The following TNFRSF9 variants were observed in gnomAD, a reference collection of about 807,000 sequenced individuals.
TNFRSF9 encodes the protein tumor necrosis factor receptor superfamily member 9.
Under a neutral mutation model 28.8 loss-of-function variants are expected in TNFRSF9, and 16 were observed. The observed-to-expected ratio is 0.55, with a 90% CI of 0.38 to 0.84. TNFRSF9 has a LOEUF of 0.84. Ranked by LOEUF, TNFRSF9 falls within the 40% of genes least tolerant of loss-of-function variation. TNFRSF9 has a pLI of 0.00. For missense variants in TNFRSF9, 303 were observed against 315.0 expected, an observed-to-expected ratio of 0.96 and a Z score of 0.29; for synonymous variants, 131 against 117.0, an observed-to-expected ratio of 1.12 and a Z score of -0.77.
intron 5 of TNFRSF9, 119 bp from the exon 6 acceptor site, chr1:7,935,262 G>A: frequency 1.7e-6 from 2 of 1,157,690 alleles, no homozygotes; most frequent in Non-Finnish European, 2.4e-6. Flanking sequence ...TATGGGTCTG[G>A]GTTCGAAAGC....
At chr1:7,940,159 C>A in intron 1 of TNFRSF9, 81 bp from the exon 2 acceptor site, 1 of 477,976 alleles carries the variant, frequency 2.1e-6, no homozygotes, top group Non-Finnish European at 3.8e-6. Context: ...TTATACAATT[C>A]TATAAGAGGA....
At chr1:7,927,158 T>C (rs1020025920) in intron 7 of TNFRSF9, among the ~76,000 whole-genome samples, 1 of 152,112 alleles carries the variant, frequency 6.6e-6, no homozygotes, top group Admixed American at 6.6e-5. Flanking sequence ...AACAGCAAAG[T>C]GTTCATCACG....
intron 6 of TNFRSF9, 150 bp from the exon 7 acceptor site, chr1:7,933,446 T>C: frequency 1.0e-6 from 1 of 966,720 alleles, no homozygotes; most frequent in Non-Finnish European, 1.5e-6. Flanking sequence ...CTTAGAAAAC[T>C]TTTAAAGAGG....
chr1:7,934,717 AAAAAGAAAAG>A (rs747047089), intron 6 of TNFRSF9, among the ~76,000 whole-genome samples: 1 of 152,112 alleles, frequency 6.6e-6, no homozygotes, highest in Non-Finnish European at 1.5e-5. Context: ...AAAAACAAAA[AAAAAGAAAAG>A]AAAAGAAAAG....
At chr1:7,923,380 C>T (rs1159482867) in intron 7 of TNFRSF9, among the ~76,000 whole-genome samples, 1 of 152,128 alleles carries the variant, frequency 6.6e-6, no homozygotes, top group Non-Finnish European at 1.5e-5. Flanking sequence ...CTAGTGGGAG[C>T]TAGAACTCCC....
At chr1:7,939,150 T>C (rs931111501) in intron 2 of TNFRSF9, among the ~76,000 whole-genome samples, 3 of 151,750 alleles carry the variant, frequency 2.0e-5, no homozygotes, top group African/African-American at 7.3e-5. Context: ...TGAAATCCTG[T>C]CTCTACTAAA....
intron 4 of TNFRSF9, 81 bp downstream of exon 4, chr1:7,938,112 G>A: frequency 7.5e-7 from 1 of 1,329,694 alleles, no homozygotes; most frequent in East Asian, 2.6e-5. Context: ...AAATCTGTTT[G>A]TTTATTTTCA....
chr1:7,933,159 T>TA lies in TNFRSF9; in HGVS notation c.679+2dup. The TA allele has an allele frequency of 1.2e-6, 2 of 1,607,432 alleles. No individual in the cohort carries two copies. Among genetic ancestry groups the TA allele is most frequent in the East Asian group, 2.2e-5 (1 of 44,750 alleles). On this transcript the variant is annotated splice_region_variant and intron_variant, in intron 7 of 7. Coordinates refer to ENST00000377507, the MANE Select transcript of TNFRSF9 (RefSeq NM_001561.6). The stretch of plus-strand genomic sequence containing the variant: ...AGCTGTAATATGATTATGTTAATCT[T>TA]ACGTTGTTTGAATATATACAGGAGT...
chr1:7,935,896 C>T (rs573235820), intron 5 of TNFRSF9, among the ~76,000 whole-genome samples: 15 of 152,208 alleles, frequency 9.9e-5, no homozygotes, highest in Admixed American at 2.6e-4. Flanking sequence ...AAAGAACAAA[C>T]GAGTGAGAGT....
chr1:7,938,072 A>T lies in TNFRSF9; in HGVS notation c.346+121T>A, dbSNP rs1639848371. The stretch of plus-strand genomic sequence containing the variant: ...TTTATTAATTAAAATATGATATATC[A>T]TATACTCCCTTGTTACTTTAAGGTT... On this transcript the variant is annotated intron_variant, in intron 4 of 7. Transcript: ENST00000377507. The T allele has an allele frequency of 1.1e-5, 9 of 809,648 alleles. 1 individual carries two copies. The East Asian group carries it at 2.3e-4, about 21-fold the overall frequency. 50.2% of individuals were successfully genotyped at this position (809,648 alleles called of 1,614,324 possible).
chr1:7,932,723 A>G (rs892796816), intron 7 of TNFRSF9, among the ~76,000 whole-genome samples: 12 of 144,276 alleles, frequency 8.3e-5, no homozygotes, highest in African/African-American at 3.3e-4. Flanking sequence ...ACAGACACGC[A>G]CACACACACA....
At chr1:7,940,258 A>T (rs1639882728) in intron 1 of TNFRSF9, among the ~76,000 whole-genome samples, 180 bp from the exon 2 acceptor site, 1 of 152,234 alleles carries the variant, frequency 6.6e-6, no homozygotes, top group African/African-American at 2.4e-5. Context: ...GGCAGGCGTG[A>T]TTAAACACAC....
intron 7 of TNFRSF9, among the ~76,000 whole-genome samples, chr1:7,930,775 A>C (rs1480081031): frequency 6.6e-6 from 1 of 152,202 alleles, no homozygotes; most frequent in Admixed American, 6.5e-5. Flanking sequence ...TCTCAAAAAA[A>C]CAAAAGACAA....
rs903563381 is a variant in TNFRSF9 at position 7,929,931 on chromosome 1, C to T, written c.679+3231G>A. On this transcript the variant is annotated intron_variant, in intron 7 of 7. Transcript: ENST00000377507. Reference sequence around the variant, plus strand: ...GCAAATTCCTGTGAATCTATAATTACGTCAAAATTGAAAGTTCTTTTGAAC... The same window carrying T: ...GCAAATTCCTGTGAATCTATAATTATGTCAAAATTGAAAGTTCTTTTGAAC... 3.3e-4 allele frequency among the ~76,000 whole-genome samples: 49 copies of T among 149,796 alleles called. 1 individual carries two copies. The highest frequency in any genetic ancestry group is 2.1e-4 in the South Asian group (1 of 4,784).
intron 7 of TNFRSF9, among the ~76,000 whole-genome samples, chr1:7,922,245 A>G (rs1204407576): frequency 6.6e-6 from 1 of 152,184 alleles, no homozygotes; most frequent in Non-Finnish European, 1.5e-5. Context: ...GTTCAGAAAT[A>G]CCAACGGGAT....
chr1:7,923,473 G>A (rs1431087256), intron 7 of TNFRSF9, among the ~76,000 whole-genome samples: 1 of 152,156 alleles, frequency 6.6e-6, no homozygotes, highest in East Asian at 1.9e-4. Flanking sequence ...CTGCCTGGCC[G>A]TAACGAGCTG....
At chr1:7,925,451 C>A (rs1376826815) in intron 7 of TNFRSF9, among the ~76,000 whole-genome samples, 1 of 152,062 alleles carries the variant, frequency 6.6e-6, no homozygotes, top group African/African-American at 2.4e-5. Flanking sequence ...GCAGAGGTCC[C>A]CAACCTTTTT....
chr1:7,921,518 A>G lies in TNFRSF9; in HGVS notation c.680-595T>C, dbSNP rs9658037. Among the ~76,000 whole-genome samples the G allele has an allele frequency of 9.4e-3, 1,425 of 151,344 alleles. 27 individuals are homozygous for G. Among genetic ancestry groups the G allele is most frequent in the African/African-American group, 0.033 (1,359 of 41,186 alleles). Reference sequence around the variant, plus strand: ...CCGTCTCTACTAAAAATACCAAAAAAATTAGCTGGGCGTGGTGGTGGGCGC... The same window carrying G: ...CCGTCTCTACTAAAAATACCAAAAAGATTAGCTGGGCGTGGTGGTGGGCGC... On this transcript the variant is annotated intron_variant, in intron 7 of 7. Coordinates refer to ENST00000377507, the MANE Select transcript of TNFRSF9 (RefSeq NM_001561.6).
chr1:7,917,076 C>T lies in TNFRSF9; in HGVS notation c.*3759G>A, dbSNP rs937351513. 3 of 152,086 alleles carry T rather than the reference C, an allele frequency of 2.0e-5. 1 individual carries two copies. The South Asian group carries it at 6.2e-4, about 32-fold the overall frequency. The allele number at this position is 152,086 out of a possible 1,614,324, so 9.4% of individuals were successfully genotyped here. ...TCCCAAATAGCTGGGATTACAGGCA[C>T]ATGCCACCATGCCTGACTAATTTTT... On this transcript the variant is annotated 3_prime_UTR_variant, in exon 8 of 8. Transcript: ENST00000377507.
Sources: gnomAD v4.1 joint callset for allele counts (sites outside exome capture counted in the v4.1 genomes callset) on GRCh38, gnomAD v4.1.1 for gene constraint, MANE v1.5 for transcripts, NCBI Gene and HGNC (gene_info 2026-07-23, HGNC 2026-07-21) for gene names.